The following TSPAN18 variants were observed in gnomAD, a reference collection of about 807,000 sequenced individuals.
TSPAN18 encodes tetraspanin-18.
A neutral mutation model predicts 27.3 loss-of-function variants in TSPAN18; 14 were observed. The ratio of observed to expected loss-of-function variants is 0.51; its 90% CI spans 0.34 to 0.80. The LOEUF (loss-of-function observed/expected upper bound fraction) is 0.80. Among genes scored for constraint, TSPAN18 ranks in the 30% least tolerant of loss-of-function variants. The pLI is 0.01. For synonymous variants in TSPAN18, 143 were observed against 136.5 expected, an observed-to-expected ratio of 1.05 and a Z score of -0.33; for missense variants, 268 against 323.9, an observed-to-expected ratio of 0.83 and a Z score of 1.32.
intron 3 of TSPAN18, among the ~76,000 whole-genome samples, chr11:44,896,886 A>G (rs2135299409): frequency 6.6e-6 from 1 of 152,258 alleles, no homozygotes; most frequent in Non-Finnish European, 1.5e-5. Flanking sequence ...AACTCAGTGT[A>G]CGTCTACTGA....
chr11:44,733,405 G>A (rs1854711925), intron 1 of TSPAN18, among the ~76,000 whole-genome samples: 1 of 152,196 alleles, frequency 6.6e-6, no homozygotes, highest in African/African-American at 2.4e-5. Flanking sequence ...CATACCAGAG[G>A]GAGGTGAGTC....
At chr11:44,740,141 C>T (rs758026318) in intron 1 of TSPAN18, among the ~76,000 whole-genome samples, 4 of 152,188 alleles carry the variant, frequency 2.6e-5, no homozygotes, top group African/African-American at 4.8e-5. Context: ...CTCTGCCCGC[C>T]CCTTGCCTAT....
At chr11:44,791,066 C>T (rs1387974633) in intron 2 of TSPAN18, among the ~76,000 whole-genome samples, 1 of 152,192 alleles carries the variant, frequency 6.6e-6, no homozygotes, top group Non-Finnish European at 1.5e-5. Context: ...TTCCCATGGC[C>T]TGGTGTCCAG....
chr11:44,877,381 C>T (rs2135250701), intron 3 of TSPAN18, among the ~76,000 whole-genome samples: 1 of 152,262 alleles, frequency 6.6e-6, no homozygotes, highest in Middle Eastern at 3.4e-3. Context: ...AGTGGTCTGT[C>T]CATGGTCATT....
intron 2 of TSPAN18, among the ~76,000 whole-genome samples, chr11:44,781,435 G>A (rs890973757): frequency 1.4e-4 from 21 of 152,324 alleles, no homozygotes; most frequent in Admixed American, 3.3e-4. Flanking sequence ...TTACCTTCTC[G>A]ATGGCTGGGA....
At chr11:44,925,675 C>A (rs566491734) in intron 8 of TSPAN18, 1 of 152,384 alleles carries the variant, frequency 6.6e-6, no homozygotes, top group Non-Finnish European at 1.5e-5. Context: ...AAGGGCTGGG[C>A]ATGATCTCTC....
chr11:44,739,492 C>T (rs938729517), intron 1 of TSPAN18, among the ~76,000 whole-genome samples: 27 of 151,974 alleles, frequency 1.8e-4, no homozygotes, highest in South Asian at 4.2e-4. Context: ...AGTGTGGTGG[C>T]GGGTGCCTGT....
chr11:44,734,566 G>A (rs1289338040), intron 1 of TSPAN18, among the ~76,000 whole-genome samples: 1 of 152,258 alleles, frequency 6.6e-6, no homozygotes, highest in Non-Finnish European at 1.5e-5. Flanking sequence ...GATGCTAGAA[G>A]TGGGCACACA....
In TSPAN18 at chr11:44,854,980, G is replaced by A. The variant is rs933782802; in HGVS notation, c.-152-5348G>A. 3.3e-5 allele frequency among the ~76,000 whole-genome samples: 5 copies of A among 152,116 alleles called. No individual in the cohort carries two copies. The South Asian group carries it at 8.3e-4, about 25-fold the overall frequency. ...ATTCCTTCCTTTATGACTTCCCAAC[G>A]ACTCACTCATGAGCAATGAGAACCC... On this transcript the variant is annotated intron_variant, in intron 2 of 9. Coordinates refer to ENST00000520358, the MANE Select transcript of TSPAN18 (RefSeq NM_130783.5).
chr11:44,858,323 G>A (rs564692915), intron 2 of TSPAN18, among the ~76,000 whole-genome samples: 10 of 152,242 alleles, frequency 6.6e-5, no homozygotes, highest in South Asian at 2.1e-4. Flanking sequence ...CCCCTCCTCC[G>A]GGAAGCCTTC....
At chr11:44,816,895 C>G (rs1212552754) in intron 2 of TSPAN18, among the ~76,000 whole-genome samples, 1 of 152,042 alleles carries the variant, frequency 6.6e-6, no homozygotes, top group Admixed American at 6.5e-5. Flanking sequence ...CACTTCTGTT[C>G]TGTCCCTGCC....
At chr11:44,882,623 C>T (rs1180638906) in intron 3 of TSPAN18, among the ~76,000 whole-genome samples, 6 of 128,054 alleles carry the variant, frequency 4.7e-5, no homozygotes, top group Non-Finnish European at 8.8e-5. Context: ...CACACACACA[C>T]ACACAGAGAG....
chr11:44,781,936 C>A (rs1416733333), intron 2 of TSPAN18, among the ~76,000 whole-genome samples: 2 of 152,144 alleles, frequency 1.3e-5, no homozygotes, highest in East Asian at 3.8e-4. Context: ...TAAATGGAAT[C>A]CTACAGTAGG....
chr11:44,912,638 G>T (rs1324972126), intron 5 of TSPAN18, among the ~76,000 whole-genome samples: 1 of 152,100 alleles, frequency 6.6e-6, no homozygotes, highest in East Asian at 1.9e-4. Flanking sequence ...TACATGGATT[G>T]TGTGCATACT....
rs556462225 is a variant in TSPAN18, at chr11:44,892,672, G to A, written c.-10-13735G>A. On this transcript the variant is annotated intron_variant, in intron 3 of 9. Transcript: ENST00000520358. Reference sequence around the variant, plus strand: ...CCTTCTGTGGCTTAAGTCCAGCCCCGGTCTATGGGGGATGGGAGGCATGGA... The same window carrying A: ...CCTTCTGTGGCTTAAGTCCAGCCCCAGTCTATGGGGGATGGGAGGCATGGA... Among the ~76,000 whole-genome samples the A allele has an allele frequency of 7.2e-5, 11 of 152,334 alleles. No individual in the cohort carries two copies. In the East Asian group the frequency reaches 1.3e-3, roughly 19 times the overall value.
intron 2 of TSPAN18, among the ~76,000 whole-genome samples, chr11:44,785,718 T>C (rs903367995): frequency 6.6e-6 from 1 of 152,150 alleles, no homozygotes; most frequent in African/African-American, 2.4e-5. Flanking sequence ...ATTTTGGGTC[T>C]TTGGCGGGAC....
chr11:44,807,617 T>G (rs1333663318), intron 2 of TSPAN18, among the ~76,000 whole-genome samples: 2 of 151,754 alleles, frequency 1.3e-5, no homozygotes, highest in African/African-American at 4.9e-5. Context: ...AAGGTGGTAT[T>G]CAGTGGGTGT....
At chr11:44,870,488 A>G (rs1470708849) in intron 3 of TSPAN18, among the ~76,000 whole-genome samples, 1 of 152,144 alleles carries the variant, frequency 6.6e-6, no homozygotes, top group Non-Finnish European at 1.5e-5. Flanking sequence ...ACTTCAGTGC[A>G]AGAAAGAAAT....
chr11:44,744,293 G>A (rs1465554467), intron 1 of TSPAN18, among the ~76,000 whole-genome samples: 1 of 152,196 alleles, frequency 6.6e-6, no homozygotes, highest in African/African-American at 2.4e-5. Flanking sequence ...GATCAACAGG[G>A]GAACATCTGC....
Sources: allele counts gnomAD v4.1 joint callset (sites outside exome capture counted in the v4.1 genomes callset), GRCh38; gene constraint gnomAD v4.1.1; transcripts MANE v1.5; gene names NCBI Gene and HGNC (gene_info 2026-07-23, HGNC 2026-07-21).